The following PHF21A variants were observed in gnomAD, a reference collection of about 807,000 sequenced individuals.
PHF21A encodes the protein PHD finger protein 21A.
In PHF21A, 11 loss-of-function variants were observed where a neutral mutation model predicts 82.5. The observed-to-expected ratio is 0.13, with a 90% CI of 0.08 to 0.22. The LOEUF (loss-of-function observed/expected upper bound fraction) is 0.22. PHF21A is among the 10% of genes least tolerant of loss of function. The pLI is 1.00. For missense variants in PHF21A, 579 were observed against 837.8 expected (o/e 0.69, Z 3.81); for synonymous variants, 297 against 302.8 (o/e 0.98, Z 0.20).
intron 1 of PHF21A, among the ~76,000 whole-genome samples, chr11:46,112,745 T>A (rs996095014): frequency 5.9e-5 from 9 of 152,118 alleles, no homozygotes; most frequent in African/African-American, 2.2e-4. Flanking sequence ...ACGGAACAAC[T>A]ATCCCCATTT....
intron 5 of PHF21A, among the ~76,000 whole-genome samples, chr11:46,077,181 G>A (rs913566462): frequency 6.6e-6 from 1 of 152,226 alleles, no homozygotes; most frequent in Admixed American, 6.5e-5. Context: ...GTAGGAAAAT[G>A]GAGGTTATAA....
In PHF21A at chr11:45,931,214, C is replaced by T. The variant is rs1183697138; in HGVS notation, c.*2754G>A. On this transcript the variant is annotated 3_prime_UTR_variant, in exon 19 of 19. Coordinates refer to ENST00000676320, the MANE Select transcript of PHF21A (RefSeq NM_001352027.3). ...ACCCAAGACTCCTAAGGCAGCTCCT[C>T]TCTGAGCAAAGGCCTCTAGTGATGA... The T allele has an allele frequency of 6.6e-6, 1 of 152,302 alleles. No homozygotes were observed. The highest frequency in any genetic ancestry group is 1.5e-5 in the Non-Finnish European group (1 of 68,120). The allele number at this position is 152,302 out of a possible 1,614,324, so 9.4% of individuals were successfully genotyped here.
At chr11:46,069,496 G>GT (rs1307744978) in intron 6 of PHF21A, among the ~76,000 whole-genome samples, 4 of 152,148 alleles carry the variant, frequency 2.6e-5, no homozygotes, top group African/African-American at 9.7e-5. Flanking sequence ...TACAGTAACT[G>GT]GTATTAGAGG....
chr11:46,110,941 A>G (rs555774999), intron 1 of PHF21A, among the ~76,000 whole-genome samples: 60 of 151,714 alleles, frequency 4.0e-4, no homozygotes, highest in African/African-American at 1.4e-3. Flanking sequence ...ACCTGCCACC[A>G]CGCCCAGCTA....
intron 1 of PHF21A, among the ~76,000 whole-genome samples, chr11:46,094,076 A>G (rs2096960980): frequency 6.6e-6 from 1 of 152,246 alleles, no homozygotes; most frequent in African/African-American, 2.4e-5. Context: ...TTATACCCAC[A>G]ATATATAAAA....
chr11:46,102,933 A>C (rs2097113098), intron 1 of PHF21A, among the ~76,000 whole-genome samples: 1 of 152,164 alleles, frequency 6.6e-6, no homozygotes, highest in African/African-American at 2.4e-5. Context: ...GGTGGCTTGA[A>C]GGGAAGGATG....
intron 6 of PHF21A, among the ~76,000 whole-genome samples, chr11:46,055,209 T>G (rs1219583980): frequency 6.6e-6 from 1 of 152,214 alleles, no homozygotes; most frequent in Non-Finnish European, 1.5e-5. Flanking sequence ...TATAGATCTC[T>G]TACCCAAATA....
At chr11:45,938,919 C>T (rs1295340969) in intron 15 of PHF21A, among the ~76,000 whole-genome samples, 1 of 151,898 alleles carries the variant, frequency 6.6e-6, no homozygotes, top group Admixed American at 6.6e-5. Flanking sequence ...CTGCAAGCTC[C>T]GCCTCCCAGG....
chr11:45,985,980 G>C (rs902713635), intron 6 of PHF21A, among the ~76,000 whole-genome samples: 1 of 151,866 alleles, frequency 6.6e-6, no homozygotes, highest in Non-Finnish European at 1.5e-5. Flanking sequence ...TTCTCTGCAT[G>C]GATGTTTAAC....
intron 6 of PHF21A, among the ~76,000 whole-genome samples, chr11:46,043,345 T>G (rs1277908707): frequency 6.6e-6 from 1 of 152,202 alleles, no homozygotes; most frequent in Non-Finnish European, 1.5e-5. Context: ...ACCATGCATC[T>G]GAAGACACAG....
chr11:46,049,959 CTCAA>C (rs2096325021), intron 6 of PHF21A, among the ~76,000 whole-genome samples: 1 of 152,226 alleles, frequency 6.6e-6, no homozygotes, highest in Non-Finnish European at 1.5e-5. Flanking sequence ...CTGTGATTAA[CTCAA>C]TCAAAGTAGG....
chr11:45,947,126 T>C (rs1415658835), intron 14 of PHF21A, among the ~76,000 whole-genome samples: 1 of 152,190 alleles, frequency 6.6e-6, no homozygotes, highest in East Asian at 1.9e-4. Context: ...GAGACCTGAT[T>C]TGTGTAAGAG....
chr11:45,964,855 G>T (rs1358106463), intron 10 of PHF21A, among the ~76,000 whole-genome samples: 1 of 151,860 alleles, frequency 6.6e-6, no homozygotes, highest in East Asian at 1.9e-4. Flanking sequence ...AATTTTTTTT[G>T]TTTGGCTCCC....
At chr11:46,004,893 T>C (rs1337109692) in intron 6 of PHF21A, among the ~76,000 whole-genome samples, 1 of 152,190 alleles carries the variant, frequency 6.6e-6, no homozygotes, top group Non-Finnish European at 1.5e-5. Flanking sequence ...TTCTTTATCA[T>C]GGCTACCCTC....
At chr11:46,049,868 A>G (rs937291370) in intron 6 of PHF21A, among the ~76,000 whole-genome samples, 1 of 152,212 alleles carries the variant, frequency 6.6e-6, no homozygotes, top group African/African-American at 2.4e-5. Flanking sequence ...AAGACTATCC[A>G]GCAAACAGTA....
At position 46,110,426 on chromosome 11, in the gene PHF21A, A is replaced by G. The variant is rs142280119; in HGVS notation, c.-237+10509T>C. On this transcript the variant is annotated intron_variant, in intron 1 of 18. Coordinates refer to ENST00000676320, the MANE Select transcript of PHF21A (RefSeq NM_001352027.3). ...ATTTAGGTGTGTCAAAGGTCTCTAT[A>G]CTGAATCTACATGGCTGCCCAGTTT... is the stretch of plus-strand genomic sequence containing the variant. 3.0e-4 allele frequency among the ~76,000 whole-genome samples: 45 copies of G among 152,338 alleles called. No individual in the cohort carries two copies. The East Asian group carries it at 8.1e-3, about 27-fold the overall frequency.
chr11:45,987,311 C>A (rs571901588), intron 6 of PHF21A, among the ~76,000 whole-genome samples: 1 of 143,028 alleles, frequency 7.0e-6, no homozygotes, highest in Non-Finnish European at 1.5e-5. Flanking sequence ...ACCCTAGACG[C>A]AGTAAATACC....
intron 10 of PHF21A, among the ~76,000 whole-genome samples, chr11:45,960,514 C>G (rs769339237): frequency 1.3e-5 from 2 of 152,216 alleles, no homozygotes; most frequent in East Asian, 3.9e-4. Flanking sequence ...AGAAAGCAGA[C>G]TGGTGATTGC....
At chr11:45,978,028 G>C (rs867697736) in intron 7 of PHF21A, among the ~76,000 whole-genome samples, 12 of 152,076 alleles carry the variant, frequency 7.9e-5, no homozygotes, top group African/African-American at 2.9e-4. Context: ...TGGGCCGGTT[G>C]CGGTGGCTCA....
Sources: gnomAD v4.1 joint callset for allele counts (sites outside exome capture counted in the v4.1 genomes callset) on GRCh38, gnomAD v4.1.1 for gene constraint, MANE v1.5 for transcripts, NCBI Gene and HGNC (gene_info 2026-07-23, HGNC 2026-07-21) for gene names.